Variants in CACNA1I observed in about 807,000 individuals in gnomAD.
CACNA1I encodes calcium voltage-gated channel subunit alpha1 I, also known as voltage-dependent T-type calcium channel subunit alpha-1I.
In CACNA1I, 74 loss-of-function variants were observed where a neutral mutation model predicts 201.6. The observed-to-expected ratio is 0.37, with a 90% confidence interval of 0.30 to 0.45. CACNA1I has a LOEUF of 0.45. Among genes scored for constraint, CACNA1I ranks in the 20% least tolerant of loss-of-function variants. CACNA1I has a pLI of 1.00. For synonymous variants in CACNA1I, 1,431 were observed against 1,345.2 expected, an observed-to-expected ratio of 1.06 and a Z score of -1.40; for missense variants, 2,346 against 3,138.1, an observed-to-expected ratio of 0.75 and a Z score of 6.03.
intron 3 of CACNA1I, among the ~76,000 whole-genome samples, chr22:39,607,275 C>T (rs185211075): frequency 2.0e-5 from 3 of 152,310 alleles, no homozygotes; most frequent in East Asian, 1.9e-4. Context: ...ATCAGGAATG[C>T]GAACTGCCCC....
intron 5 of CACNA1I, among the ~76,000 whole-genome samples, chr22:39,637,944 T>G (rs887143635): frequency 1.3e-5 from 2 of 152,214 alleles, no homozygotes; most frequent in African/African-American, 4.8e-5. Context: ...GTCAAGATTT[T>G]TTTTTTTTAG....
Position 39,679,154 on chromosome 22 carries a change from C to T in CACNA1I, c.5103C>T (p.Ser1701=). The T allele has an allele frequency of 1.3e-6, 2 of 1,594,046 alleles. No individual in the cohort carries two copies. Among genetic ancestry groups the T allele is most frequent in the Non-Finnish European group, 1.7e-6 (2 of 1,171,502 alleles). The change falls in exon 32 of 37, where the codon AGC becomes AGT. Residue 1701 remains serine (S), a synonymous_variant. Transcript: ENST00000402142. ...ACGACGAGCGCAGCTGCCTGAGCAG[C>T]CTGCAGTTTGTGTCGCCGCTGTACT... The part of the protein sequence containing the change: ...CTHDERSCLS[S]LQFVSPLYFV...
chr22:39,673,030 G>T lies in CACNA1I; in HGVS notation c.4731G>T (p.Leu1577=). The change falls in exon 28 of 37, where the codon CTG becomes CTT. Residue 1577 remains leucine (L), a synonymous_variant. Transcript: ENST00000402142. ...TLEEIEINAA[L]PINPTIIRIM... is the part of the protein sequence containing the mutation. ...AGGAGATCGAGATCAATGCGGCCCT[G>T]CCCATCAATCCCACCATCATCCGCA... The T allele has an allele frequency of 6.2e-7, 1 of 1,613,782 alleles. No homozygotes were observed. The highest frequency in any genetic ancestry group is 8.5e-7 in the Non-Finnish European group (1 of 1,179,810).
chr22:39,687,148 G>C lies in CACNA1I; in HGVS notation c.*743G>C, dbSNP rs1265051213. 6.6e-6 allele frequency: 1 copy of C among 152,214 alleles called. No individual in the cohort carries two copies. Among genetic ancestry groups the C allele is most frequent in the Non-Finnish European group, 1.5e-5 (1 of 68,066 alleles). 9.4% of individuals were successfully genotyped at this position (152,214 alleles called of 1,614,324 possible). On this transcript the variant is annotated 3_prime_UTR_variant, in exon 37 of 37. Transcript: ENST00000402142. ...AGTAGCTGTGTTTCCTTAGGCCTGG[G>C]GTAGGGGATGGAGAGCAGCTCCAAG...
Position 39,662,272 on chromosome 22 carries a change from TGGTGCCCGCGGTG to T in CACNA1I, c.3212_3224del (p.Val1071AlafsTer59). The T allele has an allele frequency of 1.3e-6, 2 of 1,517,740 alleles. No homozygotes were observed. The highest frequency in any genetic ancestry group is 1.8e-6 in the Non-Finnish European group (2 of 1,137,994). The allele number at this position is 1,517,740 out of a possible 1,614,324, so 94.0% of individuals were successfully genotyped here. On this transcript the variant is annotated frameshift_variant, in exon 17 of 37. Transcript: ENST00000402142. LOFTEE classifies it high-confidence loss of function. ...AGGGACTCGGTGGACCTGGCCGAGC[TGGTGCCCGCGGTG>T]GGCGCCCACCCCCGGGCCGCCTGGA...
chr22:39,684,251 C>A lies in CACNA1I; in HGVS notation c.5831-51C>A, dbSNP rs1738614661. ...GCTCAATGCCACCTTCCAGGGGCTG[C>A]CCCCTGGCCTGAGCGTGCTCCCTCA... On this transcript the variant is annotated intron_variant, in intron 35 of 36. Coordinates refer to ENST00000402142, the MANE Select transcript of CACNA1I (RefSeq NM_021096.4). The surrounding 1 kb of genome is among the most constrained non-coding windows in gnomAD (Gnocchi z 4.6). 3 of 1,526,604 alleles carry A rather than the reference C, an allele frequency of 2.0e-6. No individual in the cohort carries two copies. Among genetic ancestry groups the A allele is most frequent in the South Asian group, 1.2e-5 (1 of 86,894 alleles). 94.6% of individuals were successfully genotyped at this position (1,526,604 alleles called of 1,614,324 possible). A position where few individuals can be genotyped will look rare whatever the true frequency, so the allele number is the denominator to read the frequency against.
intron 5 of CACNA1I, among the ~76,000 whole-genome samples, chr22:39,636,160 T>C (rs140158696): frequency 2.3e-3 from 343 of 152,334 alleles, no homozygotes; most frequent in Non-Finnish European, 3.6e-3. Context: ...GAACCAGTTC[T>C]TCCTAGGCCT....
At chr22:39,595,442 G>A (rs575546754) in intron 1 of CACNA1I, among the ~76,000 whole-genome samples, 7 of 151,940 alleles carry the variant, frequency 4.6e-5, no homozygotes, top group South Asian at 4.2e-4. Flanking sequence ...TGGCCAACAC[G>A]GTGAAAACCC....
intron 7 of CACNA1I, 28 bp downstream of exon 7, chr22:39,642,917 G>T: frequency 6.7e-7 from 1 of 1,484,776 alleles, no homozygotes; most frequent in East Asian, 2.3e-5. Context: ...TGGGCTCCTA[G>T]GTGTGCTCAG....
chr22:39,609,290 C>A (rs1933313066), intron 3 of CACNA1I, among the ~76,000 whole-genome samples: 1 of 152,240 alleles, frequency 6.6e-6, no homozygotes, highest in African/African-American at 2.4e-5. Flanking sequence ...GCTCCACCAG[C>A]TCCACCAGGA....
At chr22:39,608,516 A>G (rs577833270) in intron 3 of CACNA1I, among the ~76,000 whole-genome samples, 8 of 152,298 alleles carry the variant, frequency 5.3e-5, no homozygotes, top group African/African-American at 1.9e-4. Context: ...CACCTTGGCT[A>G]GAGGGTGAGA....
In CACNA1I at chr22:39,665,641, C is replaced by G. The variant is rs200018675; in HGVS notation, c.3978+17C>G. 1.2e-4 allele frequency: 194 copies of G among 1,613,076 alleles called. 1 individual carries two copies. In the African/African-American group the frequency reaches 2.3e-3, roughly 19 times the overall value. The stretch of plus-strand genomic sequence containing the variant: ...GGAGTGCAGGTGAGGGGTGCCCAGT[C>G]TGGGCAGGGACTGGGCTCTGTGACT... On this transcript the variant is annotated intron_variant, in intron 22 of 36. Transcript: ENST00000402142. This position sits in a 1 kb window ranked among gnomAD's most constrained non-coding sequence, Gnocchi z 5.5.
chr22:39,649,739 C>T lies in CACNA1I; in HGVS notation c.1806C>T (p.Ser602=). ...DGARSSEDGA[S]SELGKEEEEE... is the part of the protein sequence containing the mutation. The stretch of plus-strand genomic sequence containing the variant: ...CCCGGAGCAGCGAGGACGGAGCCTC[C>T]TCAGAACTGGGGAAGGAGGAGGAGG... The change falls in exon 10 of 37, where the codon TCC becomes TCT. Residue 602 remains serine (S), a synonymous_variant. Transcript: ENST00000402142. This position sits in a 1 kb window ranked among gnomAD's most constrained non-coding sequence, Gnocchi z 7.3. 1.3e-6 allele frequency: 2 copies of T among 1,574,378 alleles called. No individual in the cohort carries two copies. The highest frequency in any genetic ancestry group is 2.3e-5 in the East Asian group (1 of 42,944).
At position 39,667,017 on chromosome 22, in the gene CACNA1I, C is replaced by T. The variant is rs549277175; in HGVS notation, c.4104+1011C>T. 1.1e-3 allele frequency among the ~76,000 whole-genome samples: 168 copies of T among 152,366 alleles called. 1 individual carries two copies. The highest frequency in any genetic ancestry group is 0.01 in the Middle Eastern group (3 of 294). ...AGCATTTCTGGGTCTGCCTGGCTCT[C>T]CTGGAACCCTGCGTGGGGTGTTCTC... On this transcript the variant is annotated intron_variant, in intron 23 of 36. Coordinates refer to ENST00000402142, the MANE Select transcript of CACNA1I (RefSeq NM_021096.4).
At chr22:39,593,027 A>C (rs930967229) in intron 1 of CACNA1I, among the ~76,000 whole-genome samples, 1 of 152,210 alleles carries the variant, frequency 6.6e-6, no homozygotes, top group Non-Finnish European at 1.5e-5. Flanking sequence ...AAGCTTTGCC[A>C]TCTGGGATTT....
chr22:39,686,573 C>T lies in CACNA1I; in HGVS notation c.*168C>T, dbSNP rs190503837. The T allele has an allele frequency of 3.8e-4, 125 of 329,820 alleles. No homozygotes were observed. The highest frequency in any genetic ancestry group is 2.6e-3 in the African/African-American group (117 of 45,292). The allele number at this position is 329,820 out of a possible 1,614,324, so 20.4% of individuals were successfully genotyped here. A position where few individuals can be genotyped will look rare whatever the true frequency, so the allele number is the denominator to read the frequency against. On this transcript the variant is annotated 3_prime_UTR_variant, in exon 37 of 37. Coordinates refer to ENST00000402142, the MANE Select transcript of CACNA1I (RefSeq NM_021096.4). ...GCGGAGTCTGGGTTAGCCAGGCCTG[C>T]GTGGCCCATGGTGGCCCTTCCAGTG...
chr22:39,613,051 C>T (rs1158285530), intron 3 of CACNA1I, among the ~76,000 whole-genome samples: 1 of 152,226 alleles, frequency 6.6e-6, no homozygotes, highest in African/African-American at 2.4e-5. Context: ...CCCGTGGGCC[C>T]CTTGTGAAGA....
intron 3 of CACNA1I, among the ~76,000 whole-genome samples, chr22:39,606,002 C>T (rs1933209747): frequency 6.6e-6 from 1 of 152,114 alleles, no homozygotes; most frequent in South Asian, 2.1e-4. Context: ...AGCCGTCCTT[C>T]AGAAGTTGGG....
chr22:39,575,488 T>C (rs1932314223), intron 1 of CACNA1I, among the ~76,000 whole-genome samples: 1 of 152,186 alleles, frequency 6.6e-6, no homozygotes, highest in Non-Finnish European at 1.5e-5. Context: ...GTCAACACTC[T>C]GCTTGCTGTA....
Sources: gnomAD v4.1 joint callset for allele counts (sites outside exome capture counted in the v4.1 genomes callset) on GRCh38, gnomAD v4.1.1 for gene constraint, Gnocchi (gnomAD v3.1) non-coding constraint, MANE v1.5 for transcripts, NCBI Gene and HGNC (gene_info 2026-07-23, HGNC 2026-07-21) for gene names.